USP28: variants seen among roughly 807,000 people sequenced by gnomAD.
USP28 encodes ubiquitin specific peptidase 28.
In USP28, 113 loss-of-function variants were observed where a neutral mutation model predicts 145.0. The ratio of observed to expected loss-of-function variants is 0.78; its 90% CI spans 0.67 to 0.91. The LOEUF (loss-of-function observed/expected upper bound fraction) is 0.91, where lower values mean the gene tolerates loss of function less well. Among genes scored for constraint, USP28 ranks in the 40% least tolerant of loss-of-function variants. The pLI, the probability that USP28 is intolerant of heterozygous loss-of-function variation, is 0.00. For synonymous variants in USP28, 447 were observed against 450.9 expected, an observed-to-expected ratio of 0.99 and a Z score of 0.11; for missense variants, 1,201 against 1,289.6, an observed-to-expected ratio of 0.93 and a Z score of 1.05.
chr11:113,842,845 A>C (rs530722401), intron 3 of USP28, among the ~76,000 whole-genome samples: 8 of 151,426 alleles, frequency 5.3e-5, no homozygotes, highest in Non-Finnish European at 1.2e-4. Context: ...TTAACGGAGA[A>C]ACGTTAAGTA....
chr11:113,824,926 C>T (rs1357012684), intron 11 of USP28, among the ~76,000 whole-genome samples: 6 of 107,344 alleles, frequency 5.6e-5, no homozygotes, highest in East Asian at 6.2e-4. Flanking sequence ...AGCGAAACTC[C>T]GTCTTAAAAA....
At chr11:113,833,495 T>C in exon 7 of USP28, 3 of 1,614,236 alleles carry the variant, frequency 1.9e-6, no homozygotes, top group Middle Eastern at 1.6e-4. Context: ...ATTTTCTATT[T>C]GATCCCATCA....
At chr11:113,804,535 A>G (rs1939596246) in intron 21 of USP28, 138 bp downstream of exon 22, 1 of 699,946 alleles carries the variant, frequency 1.4e-6, no homozygotes, top group African/African-American at 1.8e-5. Flanking sequence ...TCATTTATCC[A>G]TTCTTTACCA....
chr11:113,874,638 A>G, intron 1 of USP28: 1 of 1,284,588 alleles, frequency 7.8e-7, no homozygotes, highest in Non-Finnish European at 1.0e-6. Context: ...TTGAGGGGTG[A>G]GGAGGTGGTG....
intron 3 of USP28, 39 bp downstream of exon 3, chr11:113,852,462 A>G (rs1296807851): frequency 1.2e-6 from 2 of 1,610,114 alleles, no homozygotes; most frequent in Non-Finnish European, 1.7e-6. Context: ...ATTTTCTGCT[A>G]GTTCAGCAAA....
chr11:113,831,098 A>G, intron 8 of USP28, 155 bp from the exon 9 acceptor site: 1 of 661,524 alleles, frequency 1.5e-6, no homozygotes, highest in South Asian at 1.9e-5. Context: ...TTCAGTTCAA[A>G]TATTTATTGA....
intron 3 of USP28, among the ~76,000 whole-genome samples, chr11:113,852,029 CT>C (rs953213157): frequency 4.0e-5 from 6 of 151,658 alleles, no homozygotes; most frequent in Non-Finnish European, 7.4e-5. Flanking sequence ...ACAAATGAAA[CT>C]TTTTTTTTCT....
intron 5 of USP28, among the ~76,000 whole-genome samples, chr11:113,836,607 T>C (rs1944595142): frequency 6.6e-6 from 1 of 152,186 alleles, no homozygotes; most frequent in South Asian, 2.1e-4. Context: ...GGACATCCTG[T>C]CAGTGCTGCC....
intron 23 of USP28, 49 bp downstream of exon 24, chr11:113,803,109 G>A: frequency 6.4e-7 from 1 of 1,564,784 alleles, no homozygotes; most frequent in Non-Finnish European, 8.7e-7. Context: ...GCTTCAAGGA[G>A]CAGAGGTAAA....
chr11:113,829,292 C>T (rs749641786), exon 10 of USP28: 20 of 1,614,002 alleles, frequency 1.2e-5, no homozygotes, highest in South Asian at 8.8e-5. Context: ...TTGCGATAAC[C>T]GTTTACCTGA....
chr11:113,859,594 GTAC>G (rs1181742723), intron 1 of USP28: 1 of 151,274 alleles, frequency 6.6e-6, no homozygotes. Context: ...CCAAATCCTC[GTAC>G]TATATATATA....
intron 1 of USP28, chr11:113,874,502 T>G: frequency 7.9e-7 from 1 of 1,272,854 alleles, no homozygotes; most frequent in Non-Finnish European, 1.0e-6. Context: ...TAAAAAGGTA[T>G]AAAAGGATTC....
rs1292371777 is a variant in USP28 at position 113,821,117 on chromosome 11, G to A, written c.1283+2488C>T. The A allele has an allele frequency of 3.7e-5, 9 of 242,006 alleles. No homozygotes were observed. In the East Asian group the frequency reaches 6.5e-4, roughly 18 times the overall value. 15.0% of individuals were successfully genotyped at this position (242,006 alleles called of 1,614,324 possible). On this transcript the variant is annotated intron_variant, in intron 12 of 24. Transcript: ENST00000003302. ...GGGATGAAAGTACTGGGGCTTTGAAGTCATTGTGGATGGCATGTCCACCAC... is the reference window on the plus strand; with the variant it reads ...GGGATGAAAGTACTGGGGCTTTGAAATCATTGTGGATGGCATGTCCACCAC...
chr11:113,814,538 A>G (rs1941437895), intron 14 of USP28, among the ~76,000 whole-genome samples: 1 of 152,212 alleles, frequency 6.6e-6, no homozygotes, highest in African/African-American at 2.4e-5. Flanking sequence ...GTAGAAGTCC[A>G]GAAAAGCTAA....
At chr11:113,856,610 C>T (rs920898021) in intron 1 of USP28, among the ~76,000 whole-genome samples, 1 of 152,104 alleles carries the variant, frequency 6.6e-6, no homozygotes, top group African/African-American at 2.4e-5. Context: ...ATAAGGGATG[C>T]ACTATACCAC....
At chr11:113,799,161 A>G in exon 25 of USP28, 1 of 1,476,688 alleles carries the variant, frequency 6.8e-7, no homozygotes, top group African/African-American at 1.4e-5. Context: ...CCTTTTCCCA[A>G]GGTGAGCACT....
At chr11:113,843,604 G>A (rs890211028) in intron 3 of USP28, among the ~76,000 whole-genome samples, 17 of 149,188 alleles carry the variant, frequency 1.1e-4, no homozygotes, top group African/African-American at 4.0e-4. Context: ...CCAGGAGGCG[G>A]AGGCTATGGT....
intron 11 of USP28, among the ~76,000 whole-genome samples, chr11:113,826,780 G>C (rs1180248548): frequency 1.3e-5 from 2 of 151,902 alleles, no homozygotes; most frequent in Non-Finnish European, 2.9e-5. Flanking sequence ...TTAGCCGGGT[G>C]TGGTGGTGCA....
chr11:113,828,239 G>A (rs1227199359), intron 10 of USP28, among the ~76,000 whole-genome samples: 4 of 152,200 alleles, frequency 2.6e-5, no homozygotes, highest in Admixed American at 6.5e-5. Flanking sequence ...AAATCTAAAT[G>A]AGCATGACAA....
Sources: allele counts gnomAD v4.1 joint callset (sites outside exome capture counted in the v4.1 genomes callset), GRCh38; gene constraint gnomAD v4.1.1; transcripts MANE v1.5; gene names NCBI Gene and HGNC (gene_info 2026-07-23, HGNC 2026-07-21).